Variants in TTLL4 observed in about 807,000 individuals in gnomAD.
TTLL4 encodes tubulin monoglutamylase TTLL4.
A neutral mutation model predicts 122.7 loss-of-function variants in TTLL4; 85 were observed. That is an observed-to-expected ratio of 0.69 (90% confidence interval 0.58 to 0.83). TTLL4 has a LOEUF of 0.83. Ranked by LOEUF, TTLL4 falls within the 40% of genes least tolerant of loss-of-function variation. The pLI, the probability that TTLL4 is intolerant of heterozygous loss-of-function variation, is 0.00. For synonymous variants in TTLL4, 553 were observed against 563.0 expected (o/e 0.98, Z 0.25); for missense variants, 1,363 against 1,488.6 (o/e 0.92, Z 1.39).
At chr2:218,735,195 C>T (rs1019914553) in intron 2 of TTLL4, among the ~76,000 whole-genome samples, 1 of 152,094 alleles carries the variant, frequency 6.6e-6, no homozygotes, top group Non-Finnish European at 1.5e-5. Context: ...CTTCCTTGGC[C>T]ATTACACTGT....
intron 4 of TTLL4, 132 bp downstream of exon 4, chr2:218,740,299 G>A: frequency 1.0e-6 from 1 of 958,564 alleles, no homozygotes; most frequent in Non-Finnish European, 1.6e-6. Context: ...TCTTAAGTGG[G>A]GGTAGTGCCT....
chr2:218,752,932 C>T lies in TTLL4; in HGVS notation c.3146C>T (p.Thr1049Ile), dbSNP rs755306531. The T allele has an allele frequency of 1.2e-6, 2 of 1,614,178 alleles. No individual in the cohort carries two copies. Among genetic ancestry groups the T allele is most frequent in the East Asian group, 2.2e-5 (1 of 44,884 alleles). ...CAGCCACGATATTTCAACATTCTCA[C>T]CACCCAATGGGAACAGAAATACCAT... ...FEQPRYFNIL[T>I]TQWEQKYHGN... Residue 1049 changes from threonine (T) to isoleucine (I), a missense_variant, in exon 17 of 20, where the codon ACC (threonine) becomes ATC (isoleucine). Transcript: ENST00000392102.
chr2:218,737,009 C>T (rs1212746593), intron 2 of TTLL4, among the ~76,000 whole-genome samples: 1 of 152,126 alleles, frequency 6.6e-6, no homozygotes, highest in Admixed American at 6.5e-5. Context: ...GCCACAATGC[C>T]TAGCTAATTT....
At chr2:218,739,769 AT>A (rs770664298) in intron 3 of TTLL4, among the ~76,000 whole-genome samples, 9 of 152,246 alleles carry the variant, frequency 5.9e-5, no homozygotes, top group Non-Finnish European at 1.0e-4. Context: ...ATTACCAGAT[AT>A]CCATTGATGG....
chr2:218,731,739 C>T (rs1410767344), intron 2 of TTLL4, among the ~76,000 whole-genome samples: 1 of 152,218 alleles, frequency 6.6e-6, no homozygotes, highest in Non-Finnish European at 1.5e-5. Flanking sequence ...CCTGAACATT[C>T]CAGCTGTGCG....
At chr2:218,719,599 G>A (rs1353138083) in intron 1 of TTLL4, among the ~76,000 whole-genome samples, 1 of 150,628 alleles carries the variant, frequency 6.6e-6, no homozygotes, top group East Asian at 1.9e-4. Context: ...ATTAAGGGTC[G>A]ACTATGGAGT....
At chr2:218,720,096 G>T (rs940099578) in intron 1 of TTLL4, among the ~76,000 whole-genome samples, 1 of 152,162 alleles carries the variant, frequency 6.6e-6, no homozygotes, top group African/African-American at 2.4e-5. Flanking sequence ...GAAATGGGAC[G>T]ATCAGGAGTG....
At chr2:218,749,139 C>T (rs1942945358) in intron 13 of TTLL4, 114 bp from the exon 14 acceptor site, 2 of 1,483,832 alleles carry the variant, frequency 1.3e-6, no homozygotes, top group Non-Finnish European at 1.8e-6. Context: ...TGAGAGCTAC[C>T]TTTCCTGGGT....
chr2:218,751,770 G>A lies in TTLL4; in HGVS notation c.2940G>A (p.Lys980=). The A allele has an allele frequency of 6.2e-7, 1 of 1,613,350 alleles. No homozygotes were observed. Among genetic ancestry groups the A allele is most frequent in the East Asian group, 2.2e-5 (1 of 44,850 alleles). Residue 980 remains lysine (K), a synonymous_variant, in exon 16 of 20, where the codon AAG becomes AAA. Coordinates refer to ENST00000392102, the MANE Select transcript of TTLL4 (RefSeq NM_014640.5). ...AGCATGTCACTGCACAGAAGATGAA[G>A]AAAGCCTATTATCTGACCCAGAAAA... is the stretch of plus-strand genomic sequence containing the variant. The part of the protein sequence containing the change: ...APEHVTAQKM[K]KAYYLTQKIP...
Position 218,745,323 on chromosome 2 carries a change from G to A in TTLL4, c.1786+90G>A, listed in dbSNP as rs1942812293. ...GAGGAGGTGGCAGTAGGTAGGAGAG[G>A]GTTTCCAGAATGGCTGTTGTGGCAG... On this transcript the variant is annotated intron_variant, in intron 6 of 19. Coordinates refer to ENST00000392102, the MANE Select transcript of TTLL4 (RefSeq NM_014640.5). 1.2e-5 allele frequency: 19 copies of A among 1,562,058 alleles called. No homozygotes were observed. The South Asian group carries it at 2.1e-4, about 18-fold the overall frequency.
At chr2:218,735,348 G>A (rs575726835) in intron 2 of TTLL4, among the ~76,000 whole-genome samples, 2 of 152,202 alleles carry the variant, frequency 1.3e-5, no homozygotes, top group East Asian at 1.9e-4. Context: ...GATCGCTTGA[G>A]GCCAGGAGTC....
At position 218,751,896 on chromosome 2, in the gene TTLL4, TTTCTTTTC is replaced by T. The variant is rs1183949560; in HGVS notation, c.2976+93_2976+100del. The T allele has an allele frequency of 2.8e-5, 22 of 780,826 alleles. 1 individual carries two copies. The highest frequency in any genetic ancestry group is 2.6e-4 in the Middle Eastern group (1 of 3,792). The allele number at this position is 780,826 out of a possible 1,614,324, so 48.4% of individuals were successfully genotyped here. ...AAAGCAAACAGCTTTTCTTTTTTTT[TTTCTTTTC>T]TTTTTCTTTTTTTTTTTTTTGAGAT... On this transcript the variant is annotated intron_variant, in intron 16 of 19. Coordinates refer to ENST00000392102, the MANE Select transcript of TTLL4 (RefSeq NM_014640.5).
rs114916049 is a variant in TTLL4 at position 218,738,543 on chromosome 2, C to T, written c.867C>T (p.Thr289=). 277 of 1,614,112 alleles carry T rather than the reference C, an allele frequency of 1.7e-4. No individual in the cohort carries two copies. In the African/African-American group the frequency reaches 2.8e-3, roughly 16 times the overall value. Residue 289 remains threonine, a synonymous_variant, in exon 3 of 20, where the codon ACC becomes ACT. Coordinates refer to ENST00000392102, the MANE Select transcript of TTLL4 (RefSeq NM_014640.5). ...ADASAHIALS[T]ASSHDTSTTS... is the part of the protein sequence containing the mutation. The stretch of plus-strand genomic sequence containing the variant: ...CCAGTGCCCATATCGCCTTGTCTAC[C>T]GCTAGCTCCCACGACACATCCACCA...
intron 12 of TTLL4, chr2:218,748,567 A>G: frequency 2.3e-6 from 1 of 439,092 alleles, no homozygotes; most frequent in Non-Finnish European, 4.1e-6. Flanking sequence ...AGGCAGGAGA[A>G]TCACTTGAAC....
chr2:218,748,884 C>T lies in TTLL4; in HGVS notation c.2550C>T (p.Ser850=), dbSNP rs114062474. The T allele has an allele frequency of 6.1e-4, 989 of 1,614,056 alleles. 2 individuals carry two copies. The African/African-American group carries it at 0.012, about 19-fold the overall frequency. The change falls in exon 13 of 20, where the codon AGC becomes AGT. Residue 850 remains serine (S), a synonymous_variant. Coordinates refer to ENST00000392102, the MANE Select transcript of TTLL4 (RefSeq NM_014640.5). The part of the protein sequence containing the change: ...WNYLSQKGVN[S]DAIWEKIKDV... ...ACCTGAGCCAGAAGGGAGTCAATAG[C>T]GACGCCATCTGGGAGAAGATAAAGG...
chr2:218,728,451 C>T (rs180788957), intron 2 of TTLL4, among the ~76,000 whole-genome samples: 35 of 152,244 alleles, frequency 2.3e-4, no homozygotes, highest in East Asian at 1.9e-3. Flanking sequence ...CTAATGTTGC[C>T]GCTGAGCCTA....
chr2:218,729,381 C>G (rs1188391764), intron 2 of TTLL4, among the ~76,000 whole-genome samples: 1 of 151,796 alleles, frequency 6.6e-6, no homozygotes, highest in Non-Finnish European at 1.5e-5. Flanking sequence ...AGAATTTTTT[C>G]CCTTCTCTGT....
rs201355420 is a variant in TTLL4 at position 218,738,567 on chromosome 2, C to T, written c.891C>T (p.Thr297=). The T allele has an allele frequency of 1.2e-6, 2 of 1,614,146 alleles. No homozygotes were observed. The highest frequency in any genetic ancestry group is 2.2e-5 in the East Asian group (1 of 44,880). Residue 297 remains threonine, a synonymous_variant, in exon 3 of 20, where the codon ACC becomes ACT. Transcript: ENST00000392102. ...LSTASSHDTS[T]TSVASSWYNR... is the part of the protein sequence containing the mutation. Reference sequence around the variant, plus strand: ...CCGCTAGCTCCCACGACACATCCACCACCAGTGTTGCCTCTTCCTGGTATA... The same window carrying T: ...CCGCTAGCTCCCACGACACATCCACTACCAGTGTTGCCTCTTCCTGGTATA...
intron 15 of TTLL4, among the ~76,000 whole-genome samples, chr2:218,751,299 G>A (rs750357893): frequency 6.6e-6 from 1 of 152,030 alleles, no homozygotes; most frequent in Non-Finnish European, 1.5e-5. Flanking sequence ...AGTGATTATG[G>A]TAATTGTAGT....
Sources: allele counts gnomAD v4.1 joint callset (sites outside exome capture counted in the v4.1 genomes callset), GRCh38; gene constraint gnomAD v4.1.1; transcripts MANE v1.5; gene names NCBI Gene and HGNC (gene_info 2026-07-23, HGNC 2026-07-21).